MARK1: variants seen among roughly 807,000 people sequenced by gnomAD.
MARK1 encodes serine/threonine-protein kinase MARK1.
Under a neutral mutation model 96.3 loss-of-function variants are expected in MARK1, and 40 were observed. The ratio of observed to expected loss-of-function variants is 0.42; its 90% confidence interval spans 0.32 to 0.54. The LOEUF (loss-of-function observed/expected upper bound fraction) is 0.54. Among genes scored for constraint, MARK1 ranks in the 20% least tolerant of loss-of-function variants. The pLI, the probability that MARK1 is intolerant of heterozygous loss-of-function variation, is 0.16. For synonymous variants in MARK1, 317 were observed against 341.2 expected (o/e 0.93, Z 0.78); for missense variants, 719 against 984.6 (o/e 0.73, Z 3.61).
Position 220,528,770 on chromosome 1 carries a change from C to T in MARK1, c.-53C>T, listed in dbSNP as rs1034204376. On this transcript the variant is annotated 5_prime_UTR_variant, in exon 1 of 18. Coordinates refer to ENST00000366917, the MANE Select transcript of MARK1 (RefSeq NM_018650.5). ...CCCTTTCCTGTCGCCCCCCGGGGCC[C>T]GCACCACAGCCCGGCCGGCGAGACC... 58 of 1,526,754 alleles carry T rather than the reference C, an allele frequency of 3.8e-5. No homozygotes were observed. The Middle Eastern group carries it at 6.1e-4, about 16-fold the overall frequency. 94.6% of individuals were successfully genotyped at this position (1,526,754 alleles called of 1,614,324 possible).
At chr1:220,558,035 TG>T (rs984052238) in intron 1 of MARK1, among the ~76,000 whole-genome samples, 1 of 151,382 alleles carries the variant, frequency 6.6e-6, no homozygotes, top group African/African-American at 2.4e-5. Context: ...GGGGCTGAGG[TG>T]GTAGGATCAC....
chr1:220,590,734 C>T (rs538450808), intron 3 of MARK1, among the ~76,000 whole-genome samples: 9 of 152,198 alleles, frequency 5.9e-5, no homozygotes, highest in African/African-American at 1.9e-4. Flanking sequence ...CCTAATGTTC[C>T]TTCTTACAGC....
In MARK1 at chr1:220,590,368, T is replaced by C. The variant is rs186157830; in HGVS notation, c.310-7963T>C. On this transcript the variant is annotated intron_variant, in intron 3 of 17. Transcript: ENST00000366917. ...TCTCACCTTTCTAGAGTCTGGAAAT[T>C]CAAGATGAAGGTGTGTAGGCAGGTT... 1.9e-3 allele frequency among the ~76,000 whole-genome samples: 291 copies of C among 152,260 alleles called. 1 individual carries two copies. The highest frequency in any genetic ancestry group is 6.7e-3 in the African/African-American group (278 of 41,550).
chr1:220,556,803 C>T (rs1004771472), intron 1 of MARK1, among the ~76,000 whole-genome samples: 1 of 152,100 alleles, frequency 6.6e-6, no homozygotes, highest in Non-Finnish European at 1.5e-5. Flanking sequence ...AGATTATTCC[C>T]AGCCAAAGAT....
At position 220,598,812 on chromosome 1, in the gene MARK1, G is replaced by A. The variant is rs201385771; in HGVS notation, c.358+433G>A. ...AGTTTGAGACCACCCTGGGCAACAC[G>A]GCAAAAAAATACAAAAATTAGCCAG... On this transcript the variant is annotated intron_variant, in intron 4 of 17. Coordinates refer to ENST00000366917, the MANE Select transcript of MARK1 (RefSeq NM_018650.5). 1.2e-4 allele frequency among the ~76,000 whole-genome samples: 18 copies of A among 151,818 alleles called. No homozygotes were observed. The East Asian group carries it at 3.5e-3, about 29-fold the overall frequency.
intron 1 of MARK1, among the ~76,000 whole-genome samples, chr1:220,566,025 A>T (rs1663029292): frequency 6.6e-6 from 1 of 152,222 alleles, no homozygotes; most frequent in African/African-American, 2.4e-5. Context: ...ACTGACATTT[A>T]CTAGCTGTGT....
Position 220,569,481 on chromosome 1 carries a change from G to T in MARK1, c.52-9873G>T, listed in dbSNP as rs12022549. Among the ~76,000 whole-genome samples, 31 of 151,970 alleles carry T rather than the reference G, an allele frequency of 2.0e-4. No individual in the cohort carries two copies. In the East Asian group the frequency reaches 5.8e-3, roughly 28 times the overall value. On this transcript the variant is annotated intron_variant, in intron 1 of 17. Transcript: ENST00000366917. ...ACTAAAAAACACTTGCTGAACTGTCGATTCTTTCTTCTAGTACTTTGGTGG... is the reference window on the plus strand; with the variant it reads ...ACTAAAAAACACTTGCTGAACTGTCTATTCTTTCTTCTAGTACTTTGGTGG...
rs537189592 is a variant in MARK1 at position 220,601,425 on chromosome 1, C to T, written c.424+1562C>T. Among the ~76,000 whole-genome samples, 4 of 151,568 alleles carry T rather than the reference C, an allele frequency of 2.6e-5. No individual in the cohort carries two copies. In the East Asian group the frequency reaches 7.8e-4, roughly 29 times the overall value. ...GATTTTAAAAATTGTATTAAAACAG[C>T]CATGTAAATTTCCATAAAATGTGGA... On this transcript the variant is annotated intron_variant, in intron 5 of 17. Coordinates refer to ENST00000366917, the MANE Select transcript of MARK1 (RefSeq NM_018650.5).
intron 1 of MARK1, among the ~76,000 whole-genome samples, chr1:220,548,598 G>T (rs2102735084): frequency 6.6e-6 from 1 of 152,154 alleles, no homozygotes; most frequent in South Asian, 2.1e-4. Flanking sequence ...AAATTAGCAG[G>T]CGTGGTGGTG....
At chr1:220,556,536 C>G (rs1374518835) in intron 1 of MARK1, among the ~76,000 whole-genome samples, 1 of 144,000 alleles carries the variant, frequency 6.9e-6, no homozygotes, top group Admixed American at 6.9e-5. Flanking sequence ...GGAAACTAAC[C>G]ACTTGTGGAG....
intron 3 of MARK1, among the ~76,000 whole-genome samples, chr1:220,594,883 G>A (rs889103751): frequency 6.6e-6 from 1 of 152,130 alleles, no homozygotes; most frequent in Non-Finnish European, 1.5e-5. Flanking sequence ...GGGATGAACA[G>A]GTGGAACACA....
chr1:220,583,814 A>ATTTT (rs34848222), intron 3 of MARK1, among the ~76,000 whole-genome samples: 7 of 105,220 alleles, frequency 6.7e-5, no homozygotes, highest in Non-Finnish European at 9.3e-5. Context: ...TGCCTGGCTA[A>ATTTT]TTTTTTTTTT....
In MARK1 at chr1:220,528,581, C is replaced by T; in HGVS notation, c.-242C>T. On this transcript the variant is annotated 5_prime_UTR_variant, in exon 1 of 18. Coordinates refer to ENST00000366917, the MANE Select transcript of MARK1 (RefSeq NM_018650.5). ...CCGGGCAACCGCCTCGCCCGAAGCC[C>T]TCCCTCGTTACTGTCCGCATACCCC... is the stretch of plus-strand genomic sequence containing the variant. 1 of 475,172 alleles carries T rather than the reference C, an allele frequency of 2.1e-6. No individual in the cohort carries two copies. The highest frequency in any genetic ancestry group is 3.7e-6 in the Non-Finnish European group (1 of 270,922). The allele number at this position is 475,172 out of a possible 1,614,324, so 29.4% of individuals were successfully genotyped here.
intron 1 of MARK1, among the ~76,000 whole-genome samples, chr1:220,536,676 C>T (rs1660710797): frequency 6.6e-6 from 1 of 152,094 alleles, no homozygotes; most frequent in Admixed American, 6.5e-5. Context: ...CTGCCTCAGC[C>T]TCCCAAGTAG....
intron 1 of MARK1, among the ~76,000 whole-genome samples, chr1:220,573,808 A>AT (rs753471796): frequency 2.0e-4 from 14 of 70,716 alleles, no homozygotes; most frequent in Non-Finnish European, 4.1e-4. Flanking sequence ...TGTAGTATAT[A>AT]TGTAGTATAT....
intron 3 of MARK1, among the ~76,000 whole-genome samples, chr1:220,596,788 A>G (rs1386649567): frequency 6.6e-6 from 1 of 152,160 alleles, no homozygotes; most frequent in East Asian, 1.9e-4. Context: ...TTGTTGTTCA[A>G]ACATCACCAT....
At chr1:220,546,869 G>A (rs1259728261) in intron 1 of MARK1, among the ~76,000 whole-genome samples, 2 of 152,066 alleles carry the variant, frequency 1.3e-5, no homozygotes, top group African/African-American at 2.4e-5. Flanking sequence ...CTACTCGGGA[G>A]GCTGAGGCAG....
intron 4 of MARK1, among the ~76,000 whole-genome samples, chr1:220,598,909 G>A (rs1215856169): frequency 2.0e-5 from 3 of 151,906 alleles, no homozygotes; most frequent in Non-Finnish European, 4.4e-5. Flanking sequence ...AGCCTGGGAG[G>A]TGGAGGTTGC....
At chr1:220,621,969 A>T (rs76750589) in intron 9 of MARK1, among the ~76,000 whole-genome samples, 1 of 152,278 alleles carries the variant, frequency 6.6e-6, no homozygotes, top group East Asian at 1.9e-4. Flanking sequence ...TTCACATTCT[A>T]CTAGGCCTAT....
Sources: gnomAD v4.1 joint callset for allele counts (sites outside exome capture counted in the v4.1 genomes callset) on GRCh38, gnomAD v4.1.1 for gene constraint, MANE v1.5 for transcripts, NCBI Gene and HGNC (gene_info 2026-07-23, HGNC 2026-07-21) for gene names.